The following PTPRT variants were observed in gnomAD, a reference collection of about 807,000 sequenced individuals.
PTPRT encodes the protein protein tyrosine phosphatase receptor type T.
In PTPRT, 56 loss-of-function variants were observed where a neutral mutation model predicts 176.8. The observed-to-expected ratio is 0.32, with a 90% CI of 0.26 to 0.40. The LOEUF is 0.40. Ranked by LOEUF, PTPRT falls within the 10% of genes least tolerant of loss-of-function variation. The pLI is 1.00. For missense variants in PTPRT, 1,540 were observed against 1,908.2 expected (o/e 0.81, Z 3.60); for synonymous variants, 783 against 739.0 (o/e 1.06, Z -0.96).
chr20:42,668,802 C>T (rs1403194867), intron 7 of PTPRT, among the ~76,000 whole-genome samples: 1 of 151,296 alleles, frequency 6.6e-6, no homozygotes, highest in African/African-American at 2.4e-5. Context: ...CGCCATTCTC[C>T]TGCCTCAGCC....
intron 6 of PTPRT, among the ~76,000 whole-genome samples, chr20:42,724,257 A>G (rs1262266816): frequency 6.6e-6 from 1 of 152,162 alleles, no homozygotes; most frequent in Non-Finnish European, 1.5e-5. Flanking sequence ...AAAATGCATC[A>G]ACACCAGCTG....
At position 42,741,787 on chromosome 20, in the gene PTPRT, C is replaced by T. The variant is rs115967364; in HGVS notation, c.859+14675G>A. Reference sequence around the variant, plus strand: ...GGAGTTGGGGTGGTAAAGGTAAGGGCCATAGGCACAGGCAATACCTAGACG... The same window carrying T: ...GGAGTTGGGGTGGTAAAGGTAAGGGTCATAGGCACAGGCAATACCTAGACG... On this transcript the variant is annotated intron_variant, in intron 6 of 30. Transcript: ENST00000373187. Among the ~76,000 whole-genome samples the T allele has an allele frequency of 7.6e-3, 1,162 of 152,072 alleles. 16 individuals are homozygous for T. Among genetic ancestry groups the T allele is most frequent in the African/African-American group, 0.027 (1,118 of 41,444 alleles).
At chr20:43,150,338 T>A (rs933808388) in intron 1 of PTPRT, among the ~76,000 whole-genome samples, 4 of 152,222 alleles carry the variant, frequency 2.6e-5, no homozygotes, top group Non-Finnish European at 4.4e-5. Context: ...CAGTAAAGGA[T>A]AACGGTCTCC....
intron 15 of PTPRT, among the ~76,000 whole-genome samples, chr20:42,226,314 G>T (rs1475312038): frequency 2.0e-5 from 3 of 152,298 alleles, no homozygotes; most frequent in Non-Finnish European, 2.9e-5. Flanking sequence ...TTACAGATGA[G>T]AAACTGAAGT....
At chr20:42,750,207 G>T (rs1334469565) in intron 6 of PTPRT, among the ~76,000 whole-genome samples, 1 of 151,830 alleles carries the variant, frequency 6.6e-6, no homozygotes, top group East Asian at 1.9e-4. Context: ...AACAAACAAT[G>T]GACAATGTCT....
At chr20:43,104,770 T>A (rs1292276818) in intron 1 of PTPRT, among the ~76,000 whole-genome samples, 2 of 152,222 alleles carry the variant, frequency 1.3e-5, no homozygotes, top group East Asian at 3.8e-4. Flanking sequence ...GAGCAGACTC[T>A]TCGCAGAATT....
At chr20:43,187,895 A>G (rs1158864428) in intron 1 of PTPRT, among the ~76,000 whole-genome samples, 1 of 152,188 alleles carries the variant, frequency 6.6e-6, no homozygotes, top group East Asian at 1.9e-4. Context: ...AAGCAACCAG[A>G]TTTGCATTTT....
intron 9 of PTPRT, among the ~76,000 whole-genome samples, chr20:42,425,469 G>A (rs569689600): frequency 1.3e-5 from 2 of 152,276 alleles, no homozygotes; most frequent in South Asian, 2.1e-4. Context: ...AAACTAGGGG[G>A]TGAAGAAAAT....
chr20:42,824,187 T>C (rs2077950853), intron 2 of PTPRT, among the ~76,000 whole-genome samples: 2 of 151,932 alleles, frequency 1.3e-5, no homozygotes. Flanking sequence ...AGATGGAAAT[T>C]ATCACAAAAA....
At chr20:42,068,305 T>G (rs2146034083), downstream of PTPRT, among the ~76,000 whole-genome samples, 1 of 152,260 alleles carries the variant, frequency 6.6e-6, no homozygotes, top group African/African-American at 2.4e-5. Flanking sequence ...TGCTTGGAAA[T>G]TGTTCCCATG....
rs191587344 is a variant in PTPRT at position 43,041,191 on chromosome 20, G to A, written c.88+148455C>T. ...TTAAATGACTTGCTTCAGACCTGCA[G>A]CTAGAATGTGCCAGGGCTGGGATCT... On this transcript the variant is annotated intron_variant, in intron 1 of 30. Coordinates refer to ENST00000373187, the MANE Select transcript of PTPRT (RefSeq NM_007050.6). 2.4e-3 allele frequency among the ~76,000 whole-genome samples: 358 copies of A among 152,332 alleles called. 1 individual carries two copies. Among genetic ancestry groups the A allele is most frequent in the African/African-American group, 8.5e-3 (354 of 41,572 alleles).
In PTPRT at chr20:42,567,200, G is replaced by A. The variant is rs1401910739; in HGVS notation, c.1154-94638C>T. Among the ~76,000 whole-genome samples, 8 of 152,116 alleles carry A rather than the reference G, an allele frequency of 5.3e-5. No individual in the cohort carries two copies. In the South Asian group the frequency reaches 1.0e-3, roughly 20 times the overall value. ...AGGCAGGAGAATCACTTGAACCCAG[G>A]AGGTGGAGGCTGCAGTGAACCAAGA... is the stretch of plus-strand genomic sequence containing the variant. On this transcript the variant is annotated intron_variant, in intron 7 of 30. Transcript: ENST00000373187.
At chr20:42,128,952 T>C (rs1002099359) in intron 18 of PTPRT, 122 bp from the exon 19 acceptor site, 2 of 671,518 alleles carry the variant, frequency 3.0e-6, no homozygotes, top group Non-Finnish European at 4.4e-6. Context: ...CTCATTTAAC[T>C]CTCAACACCA....
chr20:42,149,368 G>A (rs1301736198), intron 17 of PTPRT, among the ~76,000 whole-genome samples: 4 of 152,036 alleles, frequency 2.6e-5, no homozygotes, highest in South Asian at 2.1e-4. Flanking sequence ...TCAAGGTCTC[G>A]TGGACCAAGG....
At chr20:42,176,021 C>G (rs1990276593) in intron 16 of PTPRT, among the ~76,000 whole-genome samples, 4 of 152,124 alleles carry the variant, frequency 2.6e-5, no homozygotes. Flanking sequence ...CCTGAACATA[C>G]ATCGTCTTCA....
At chr20:42,249,674 T>G (rs1488854725) in intron 13 of PTPRT, among the ~76,000 whole-genome samples, 1 of 152,218 alleles carries the variant, frequency 6.6e-6, no homozygotes, top group East Asian at 1.9e-4. Context: ...GTTTCCTGAT[T>G]CCAATTTTAG....
chr20:42,879,653 G>A (rs208191), intron 2 of PTPRT, among the ~76,000 whole-genome samples: 4 of 151,860 alleles, frequency 2.6e-5, no homozygotes, highest in Non-Finnish European at 5.9e-5. Context: ...AACCCACAGG[G>A]AAAGGCCCCA....
intron 13 of PTPRT, among the ~76,000 whole-genome samples, chr20:42,251,454 G>A (rs2056549788): frequency 6.6e-6 from 1 of 152,108 alleles, no homozygotes; most frequent in South Asian, 2.1e-4. Context: ...GTGGTTGGGG[G>A]TAGGGGAATA....
chr20:42,407,792 A>G (rs2058975788), intron 9 of PTPRT, among the ~76,000 whole-genome samples: 1 of 152,172 alleles, frequency 6.6e-6, no homozygotes, highest in Non-Finnish European at 1.5e-5. Context: ...AAATGTCTAG[A>G]ATTTATCCAG....
Sources: gnomAD v4.1 joint callset for allele counts (sites outside exome capture counted in the v4.1 genomes callset) on GRCh38, gnomAD v4.1.1 for gene constraint, MANE v1.5 for transcripts, NCBI Gene and HGNC (gene_info 2026-07-23, HGNC 2026-07-21) for gene names.